TTC6: variants seen among roughly 807,000 people sequenced by gnomAD.
TTC6 encodes tetratricopeptide repeat domain 6.
A neutral mutation model predicts 210.4 loss-of-function variants in TTC6; 172 were observed. The observed-to-expected ratio is 0.82, with a 90% CI of 0.72 to 0.93. TTC6 has a LOEUF of 0.93. Among genes scored for constraint, TTC6 ranks in the 40% least tolerant of loss-of-function variants. TTC6 has a pLI of 0.00. For synonymous variants in TTC6, 804 were observed against 819.6 expected, an observed-to-expected ratio of 0.98 and a Z score of 0.32; for missense variants, 2,414 against 2,318.1, an observed-to-expected ratio of 1.04 and a Z score of -0.85.
At chr14:37,827,281 A>T in exon 29 of TTC6, 1 of 1,613,332 alleles carries the variant, frequency 6.2e-7, no homozygotes, top group Non-Finnish European at 8.5e-7. Flanking sequence ...AAAGACTACC[A>T]AGATGCAATT....
chr14:37,627,523 A>G (rs893770046), intron 1 of TTC6, among the ~76,000 whole-genome samples: 2 of 147,040 alleles, frequency 1.4e-5, no homozygotes, highest in African/African-American at 5.1e-5. Flanking sequence ...CTCATTGTTC[A>G]ACTCCCACTT....
intron 7 of TTC6, among the ~76,000 whole-genome samples, chr14:37,726,491 T>G (rs916257348): frequency 6.6e-6 from 1 of 152,188 alleles, no homozygotes; most frequent in African/African-American, 2.4e-5. Context: ...TGTTAAATAT[T>G]ATGTTGAATT....
chr14:37,723,223 C>T (rs902019460), intron 6 of TTC6, among the ~76,000 whole-genome samples: 2 of 151,912 alleles, frequency 1.3e-5, no homozygotes, highest in Non-Finnish European at 2.9e-5. Flanking sequence ...ATTTCCTGCC[C>T]CAGTCCTAGA....
intron 13 of TTC6, among the ~76,000 whole-genome samples, chr14:37,752,120 C>T (rs574466568): frequency 3.4e-4 from 51 of 152,028 alleles, no homozygotes; most frequent in Admixed American, 8.5e-4. Flanking sequence ...CCACCGTGCC[C>T]GGCCAGGAAA....
intron 14 of TTC6, among the ~76,000 whole-genome samples, chr14:37,773,407 A>T (rs1436958908): frequency 6.6e-6 from 1 of 152,106 alleles, no homozygotes; most frequent in African/African-American, 2.4e-5. Flanking sequence ...TAGATTTTGC[A>T]TTTAAGTTTT....
At chr14:37,712,231 A>C (rs2138744771) in intron 5 of TTC6, among the ~76,000 whole-genome samples, 1 of 152,304 alleles carries the variant, frequency 6.6e-6, no homozygotes, top group South Asian at 2.1e-4. Context: ...AAAGACAATA[A>C]GTTGTAAATG....
rs746723560 is a variant in TTC6, at chr14:37,826,339, G to T, written c.5119G>T (p.Ala1707Ser). The T allele has an allele frequency of 8.1e-6, 13 of 1,597,284 alleles. No individual in the cohort carries two copies. The Admixed American group carries it at 1.6e-4, about 20-fold the overall frequency. Residue 1707 changes from alanine (A) to serine (S), a missense_variant, in exon 28 of 31, where the codon GCC (alanine) becomes TCC (serine). By Grantham distance (99) the Ala-to-Ser change is moderately conservative. Coordinates refer to ENST00000553443, the Ensembl canonical transcript of TTC6. The stretch of plus-strand genomic sequence containing the variant: ...TGCTGCAATGCAGGATATTAATGCT[G>T]CCATGAAGGTAAAAACCATCTTAGA...
chr14:37,813,371 T>C (rs773728136), intron 25 of TTC6, among the ~76,000 whole-genome samples: 11 of 152,108 alleles, frequency 7.2e-5, no homozygotes, highest in Non-Finnish European at 1.5e-4. Flanking sequence ...CCTCCCTGTT[T>C]GTAGTAGGCA....
intron 2 of TTC6, among the ~76,000 whole-genome samples, chr14:37,613,122 T>C (rs2095637254): frequency 6.6e-6 from 1 of 152,128 alleles, no homozygotes; most frequent in South Asian, 2.1e-4. Context: ...ATTCTCTTAA[T>C]CAGATTGAGG....
intron 1 of TTC6, 30 bp from the exon 4 acceptor site, chr14:37,680,121 G>A (rs1043900459): frequency 3.9e-6 from 5 of 1,288,866 alleles, no homozygotes; most frequent in Admixed American, 2.4e-5. Flanking sequence ...TTAAAAATTG[G>A]CATCACTTTG....
chr14:37,598,420 G>A lies in TTC6; in HGVS notation c.-235+2412G>A, dbSNP rs999687600. ...ACTGTAGGGTGCGCGGGTACTCCGG[G>A]TAGCCGCCAGCGGAGGAAGCGGCTC... On this transcript the variant is annotated intron_variant, in intron 1 of 2. Coordinates refer to the TTC6 transcript ENST00000556845. The surrounding 1 kb of genome is among the most constrained non-coding windows in gnomAD (Gnocchi z 4.9). Among the ~76,000 whole-genome samples the A allele has an allele frequency of 6.6e-6, 1 of 152,216 alleles. No homozygotes were observed. Among genetic ancestry groups the A allele is most frequent in the Non-Finnish European group, 1.5e-5 (1 of 68,030 alleles).
intron 14 of TTC6, among the ~76,000 whole-genome samples, chr14:37,757,784 C>T (rs1190082732): frequency 5.9e-5 from 9 of 152,114 alleles, no homozygotes; most frequent in South Asian, 2.1e-4. Context: ...ATTAGGGTGT[C>T]GATTTTAGAT....
At chr14:37,727,838 A>G (rs1269459358) in intron 7 of TTC6, among the ~76,000 whole-genome samples, 1 of 147,370 alleles carries the variant, frequency 6.8e-6, no homozygotes, top group Non-Finnish European at 1.5e-5. Context: ...TTTATTCTTA[A>G]TCCTTATTAG....
intron 29 of TTC6, chr14:37,827,974 C>G (rs929939290): frequency 6.6e-6 from 1 of 152,174 alleles, no homozygotes; most frequent in Non-Finnish European, 1.5e-5. Flanking sequence ...TCACTAACTT[C>G]CAGCCTTGAA....
chr14:37,634,685 A>C (rs1237750581), intron 1 of TTC6, among the ~76,000 whole-genome samples: 1 of 152,236 alleles, frequency 6.6e-6, no homozygotes, highest in Non-Finnish European at 1.5e-5. Flanking sequence ...CATAATAGTA[A>C]CACTTCTGAA....
At chr14:37,815,696 A>C (rs966463428) in intron 25 of TTC6, among the ~76,000 whole-genome samples, 30 of 152,160 alleles carry the variant, frequency 2.0e-4, no homozygotes, top group African/African-American at 3.9e-4. Flanking sequence ...GCTAAATTCT[A>C]TTCTATGTGG....
chr14:37,634,637 T>C (rs982403851), intron 1 of TTC6, among the ~76,000 whole-genome samples: 2 of 152,194 alleles, frequency 1.3e-5, no homozygotes, highest in African/African-American at 4.8e-5. Context: ...AAGAAGATGC[T>C]GAGTGAACTC....
At chr14:37,835,277 T>G (rs2096195140) in intron 29 of TTC6, among the ~76,000 whole-genome samples, 1 of 152,152 alleles carries the variant, frequency 6.6e-6, no homozygotes, top group Non-Finnish European at 1.5e-5. Flanking sequence ...AGAAATACTA[T>G]TTTTTCCTGG....
intron 28 of TTC6, 67 bp from the exon 31 acceptor site, chr14:37,827,129 T>G: frequency 7.7e-7 from 1 of 1,302,598 alleles, no homozygotes; most frequent in Non-Finnish European, 1.0e-6. Context: ...ATGTTCATTT[T>G]GGCAGACATG....
Sources: gnomAD v4.1 joint callset for allele counts (sites outside exome capture counted in the v4.1 genomes callset) on GRCh38, gnomAD v4.1.1 for gene constraint, Gnocchi (gnomAD v3.1) non-coding constraint, MANE v1.5 for transcripts, NCBI Gene and HGNC (gene_info 2026-07-23, HGNC 2026-07-21) for gene names.